AHRR: variants seen among roughly 807,000 people sequenced by gnomAD.
AHRR encodes ahR repressor.
Under a neutral mutation model 44.0 loss-of-function variants are expected in AHRR, and 28 were observed. The observed-to-expected ratio is 0.64, with a 90% confidence interval of 0.47 to 0.87. The LOEUF (loss-of-function observed/expected upper bound fraction) is 0.87, where lower values mean the gene tolerates loss of function less well. Among genes scored for constraint, AHRR ranks in the 40% least tolerant of loss-of-function variants. The pLI, the probability that AHRR is intolerant of heterozygous loss-of-function variation, is 0.00. For missense variants in AHRR, 990 were observed against 953.9 expected (o/e 1.04, Z -0.50); for synonymous variants, 434 against 407.0 (o/e 1.07, Z -0.80).
chr5:367,927 G>A (rs767650283), intron 3 of AHRR: 8 of 702,394 alleles, frequency 1.1e-5, no homozygotes, highest in African/African-American at 7.0e-5. Flanking sequence ...TACTCAGTTC[G>A]GTCTGCATCT....
At chr5:327,975 C>A (rs1180281407) in intron 1 of AHRR, among the ~76,000 whole-genome samples, 2 of 152,110 alleles carry the variant, frequency 1.3e-5, no homozygotes, top group African/African-American at 2.4e-5. Context: ...TGATGTTCCC[C>A]TCCCTGTGTC....
At chr5:400,465 A>G (rs1174601589) in intron 4 of AHRR, among the ~76,000 whole-genome samples, 3 of 152,088 alleles carry the variant, frequency 2.0e-5, no homozygotes, top group Admixed American at 6.5e-5. Context: ...CATGGATGTG[A>G]TCTTTTTCCC....
Position 405,324 on chromosome 5 carries a change from G to A in AHRR, c.352-8020G>A, listed in dbSNP as rs540403763. Among the ~76,000 whole-genome samples, 3 of 152,274 alleles carry A rather than the reference G, an allele frequency of 2.0e-5. No homozygotes were observed. Among genetic ancestry groups the A allele is most frequent in the Admixed American group, 1.3e-4 (2 of 15,288 alleles). On this transcript the variant is annotated intron_variant, in intron 4 of 10. Transcript: ENST00000684583. The surrounding 1 kb of genome is among the most constrained non-coding windows in gnomAD (Gnocchi z 4.5). ...GCTCCCGTGGATGCAGATGTCCTGC[G>A]GGGTCCGTTTCCCTTTCTCTAGAAA... is the stretch of plus-strand genomic sequence containing the variant.
At chr5:417,216 G>T (rs1735865574) in intron 5 of AHRR, among the ~76,000 whole-genome samples, 1 of 148,518 alleles carries the variant, frequency 6.7e-6, no homozygotes, top group Non-Finnish European at 1.5e-5. Context: ...TGGTCTGTAT[G>T]TGCAGGGCCC....
chr5:361,783 C>T (rs1048131671), intron 3 of AHRR, among the ~76,000 whole-genome samples: 1 of 152,214 alleles, frequency 6.6e-6, no homozygotes, highest in Non-Finnish European at 1.5e-5. Context: ...TCTGGTCTCA[C>T]AGGTTCTTGG....
chr5:434,003 T>C lies in AHRR; in HGVS notation c.1263T>C (p.Asn421=), dbSNP rs1560926986. ...GGCCGAGGCTGCAGCCCAGCAAGAATGACCCGCCCTCCCTGCGCCCCATGC... is the reference window on the plus strand; with the variant it reads ...GGCCGAGGCTGCAGCCCAGCAAGAACGACCCGCCCTCCCTGCGCCCCATGC... ...GARPRLQPSK[N]DPPSLRPMPR... is the part of the protein sequence containing the mutation. Residue 421 remains asparagine (N), a synonymous_variant, in exon 11 of 11, where the codon AAT becomes AAC. Transcript: ENST00000684583. The C allele has an allele frequency of 1.3e-6, 2 of 1,577,764 alleles. No individual in the cohort carries two copies. Among genetic ancestry groups the C allele is most frequent in the Non-Finnish European group, 1.7e-6 (2 of 1,163,446 alleles).
chr5:382,929 C>T (rs1170553572), intron 4 of AHRR, among the ~76,000 whole-genome samples: 5 of 152,128 alleles, frequency 3.3e-5, no homozygotes, highest in African/African-American at 1.2e-4. Flanking sequence ...CTTTAAGCAC[C>T]TTTACCTGTA....
intron 4 of AHRR, among the ~76,000 whole-genome samples, chr5:389,755 C>T (rs943365682): frequency 6.6e-6 from 1 of 151,872 alleles, no homozygotes. Flanking sequence ...GGCACAGGCC[C>T]GCTCTGGCAC....
intron 5 of AHRR, chr5:418,956 G>A (rs2671895): frequency 0.72 from 110,221 of 152,288 alleles, 40,621 homozygotes; most frequent in Non-Finnish European, 0.79. Flanking sequence ...AGGCATTACA[G>A]TGACAAAGCC....
chr5:332,263 C>CTTTTTT (rs36049046), intron 1 of AHRR, among the ~76,000 whole-genome samples: 1 of 116,986 alleles, frequency 8.5e-6, no homozygotes, highest in African/African-American at 3.2e-5. Flanking sequence ...TCTGTTAAGA[C>CTTTTTT]TTTTTTTTTT....
rs555108144 is a variant in AHRR, at chr5:326,258, G to C, written c.-11+4439G>C. On this transcript the variant is annotated intron_variant, in intron 1 of 10. Transcript: ENST00000684583. The surrounding 1 kb of genome is among the most constrained non-coding windows in gnomAD (Gnocchi z 4.1). Reference sequence around the variant, plus strand: ...TCACCCACCAGGCAGTCACTCCCCAGTCCCTGCTCCCAGGTCCTGGCCACC... The same window carrying C: ...TCACCCACCAGGCAGTCACTCCCCACTCCCTGCTCCCAGGTCCTGGCCACC... Among the ~76,000 whole-genome samples the C allele has an allele frequency of 4.6e-5, 7 of 152,346 alleles. No homozygotes were observed. In the South Asian group the frequency reaches 8.3e-4, roughly 18 times the overall value.
chr5:325,613 C>G (rs367702935), intron 1 of AHRR, among the ~76,000 whole-genome samples: 27 of 152,232 alleles, frequency 1.8e-4, no homozygotes, highest in Middle Eastern at 3.4e-3. Flanking sequence ...CTGGACCCTT[C>G]CGAAGCATCC....
At chr5:425,793 A>G (rs546060013) in intron 7 of AHRR, among the ~76,000 whole-genome samples, 68 of 152,328 alleles carry the variant, frequency 4.5e-4, no homozygotes, top group Non-Finnish European at 8.8e-4. Context: ...TACGTGTCTG[A>G]TTCTGTTTTC....
Position 422,831 on chromosome 5 carries a change from T to G in AHRR, c.544T>G (p.Phe182Val). ...GGCCATGGACCCTCCCCAGGTGGTG[T>G]TTGGGCAGCCCCCGCCCTTGGAGAC... Reference protein sequence around the residue: ...HWAMDPPQVVFGQPPPLETGD... With the variant: ...HWAMDPPQVVVGQPPPLETGD... The change falls in exon 6 of 11, where the codon TTT becomes GTT. Residue 182 changes from phenylalanine (F) to valine (V), a missense_variant. By Grantham distance (50) the Phe-to-Val change is conservative (BLOSUM62 -1). Transcript: ENST00000684583. 1.2e-6 allele frequency: 2 copies of G among 1,613,846 alleles called. No individual in the cohort carries two copies. Among genetic ancestry groups the G allele is most frequent in the South Asian group, 1.1e-5 (1 of 91,042 alleles).
At chr5:427,604 A>C in intron 7 of AHRR, 1 of 1,611,626 alleles carries the variant, frequency 6.2e-7, no homozygotes, top group Non-Finnish European at 8.5e-7. Context: ...GGATGGTTTC[A>C]GGATGATTCA....
chr5:433,662 G>A (rs142921897), intron 10 of AHRR, among the ~76,000 whole-genome samples, 191 bp from the exon 11 acceptor site: 1 of 151,786 alleles, frequency 6.6e-6, no homozygotes, highest in Non-Finnish European at 1.5e-5. Flanking sequence ...CGCAGTGGGG[G>A]TGGGGTGCTG....
At chr5:363,635 C>G (rs547453764) in intron 3 of AHRR, among the ~76,000 whole-genome samples, 1 of 152,272 alleles carries the variant, frequency 6.6e-6, no homozygotes, top group East Asian at 1.9e-4. Flanking sequence ...AACTTTTGCC[C>G]TTTAGATTTC....
intron 5 of AHRR, among the ~76,000 whole-genome samples, chr5:414,249 C>CGAG (rs1354796653): frequency 6.6e-6 from 1 of 151,746 alleles, no homozygotes; most frequent in East Asian, 1.9e-4. Context: ...GGTGACAGAG[C>CGAG]GAGACTCCAT....
chr5:392,651 G>A (rs1347502700), intron 4 of AHRR, among the ~76,000 whole-genome samples: 2 of 152,156 alleles, frequency 1.3e-5, no homozygotes, highest in Non-Finnish European at 1.5e-5. Context: ...CAAAGCAGTC[G>A]CTCAAAGCAG....
Sources: allele counts gnomAD v4.1 joint callset (sites outside exome capture counted in the v4.1 genomes callset), GRCh38; gene constraint gnomAD v4.1.1; non-coding constraint Gnocchi (gnomAD v3.1); transcripts MANE v1.5; gene names NCBI Gene and HGNC (gene_info 2026-07-23, HGNC 2026-07-21).